FGF13: variants seen among roughly 807,000 people sequenced by gnomAD.
The protein encoded by FGF13 is fibroblast growth factor homologous factor 2.
A neutral mutation model predicts 19.5 loss-of-function variants in FGF13; 2 were observed. That is an observed-to-expected ratio of 0.10 (90% CI 0.04 to 0.32). The LOEUF (loss-of-function observed/expected upper bound fraction) is 0.32, where lower values mean the gene tolerates loss of function less well. FGF13 is among the 10% of genes least tolerant of loss of function. The pLI is 1.00. For missense variants in FGF13, 113 were observed against 192.7 expected (o/e 0.59, Z 2.45); for synonymous variants, 72 against 76.9 (o/e 0.94, Z 0.33).
At chrX:138,826,549 T>G (rs745969324) in intron 3 of FGF13, among the ~76,000 whole-genome samples, 1 of 112,281 alleles carries the variant, frequency 8.9e-6, no homozygotes, top group South Asian at 3.7e-4. Context: ...ACAATATATA[T>G]TCCAGTTATG....
At chrX:139,110,428 T>A (rs1250201203) in intron 1 of FGF13, among the ~76,000 whole-genome samples, 1 of 110,133 alleles carries the variant, frequency 9.1e-6, no homozygotes, top group African/African-American at 3.3e-5. Context: ...CCCCTCATAC[T>A]GCTCTTGTGG....
chrX:139,074,015 T>C (rs1443319453), intron 1 of FGF13, among the ~76,000 whole-genome samples: 1 of 112,614 alleles, frequency 8.9e-6, no homozygotes, highest in Non-Finnish European at 1.9e-5. Flanking sequence ...TTTTCTCAGA[T>C]AGCTGGCGCT....
chrX:138,978,293 C>T (rs1378673939), intron 1 of FGF13, among the ~76,000 whole-genome samples: 48 of 70,293 alleles, frequency 6.8e-4, no homozygotes, highest in Non-Finnish European at 1.1e-3. Context: ...GATGGAGTCT[C>T]GCTCTGTCGC....
chrX:138,717,863 T>C (rs1212587032), intron 1 of FGF13, among the ~76,000 whole-genome samples: 2 of 111,702 alleles, frequency 1.8e-5, no homozygotes, highest in African/African-American at 6.5e-5. Flanking sequence ...TCCTCCCGCC[T>C]TGGCCTCCCA....
At chrX:138,826,321 G>A (rs1024828726) in intron 3 of FGF13, among the ~76,000 whole-genome samples, 9 of 111,860 alleles carry the variant, frequency 8.0e-5, no homozygotes, top group Admixed American at 5.7e-4. Context: ...GACAACATAT[G>A]TCTACAATAT....
intron 1 of FGF13, among the ~76,000 whole-genome samples, chrX:139,157,193 C>T (rs1156569404): frequency 1.8e-5 from 2 of 111,162 alleles, no homozygotes; most frequent in Admixed American, 9.6e-5. Context: ...AAACTAAACT[C>T]GGAAGCTATA....
chrX:139,008,396 C>G, intron 1 of FGF13, among the ~76,000 whole-genome samples: 1 of 112,625 alleles, frequency 8.9e-6, no homozygotes, highest in Non-Finnish European at 1.9e-5. Context: ...AAACACAAAA[C>G]CAGCACACTA....
At chrX:138,647,097 T>A (rs1198637174) in intron 3 of FGF13, among the ~76,000 whole-genome samples, 1 of 109,720 alleles carries the variant, frequency 9.1e-6, no homozygotes, top group East Asian at 2.9e-4. Flanking sequence ...TGAAATCCGA[T>A]AGGCTGCCCA....
chrX:139,204,567 G>C (rs1256012244), upstream of FGF13, among the ~76,000 whole-genome samples: 1 of 112,929 alleles, frequency 8.9e-6, no homozygotes, highest in Non-Finnish European at 1.9e-5. Flanking sequence ...GCCTGGGTGG[G>C]CTGCCCGCGC....
chrX:139,203,714 TCATA>T (rs1273682847), upstream of FGF13, among the ~76,000 whole-genome samples: 4 of 111,659 alleles, frequency 3.6e-5, no homozygotes, highest in African/African-American at 1.3e-4. Flanking sequence ...ACACATGCAC[TCATA>T]CAGACAGGCG....
chrX:139,063,488 T>G (rs779645235), intron 1 of FGF13, among the ~76,000 whole-genome samples: 1 of 111,938 alleles, frequency 8.9e-6, no homozygotes, highest in African/African-American at 3.2e-5. Context: ...AAGGGACATC[T>G]AGTATTTCAA....
At chrX:139,071,577 G>A (rs1360475215) in intron 1 of FGF13, among the ~76,000 whole-genome samples, 3 of 111,686 alleles carry the variant, frequency 2.7e-5, no homozygotes, top group African/African-American at 9.8e-5. Context: ...TAAGATTTAT[G>A]TACTTTATCA....
chrX:139,028,151 T>A (rs1416010628), intron 1 of FGF13, among the ~76,000 whole-genome samples: 2 of 111,654 alleles, frequency 1.8e-5, no homozygotes, highest in Non-Finnish European at 3.8e-5. Context: ...CTGCAGTATA[T>A]ACAGAGCTCT....
At chrX:139,191,989 G>T (rs1428203982) in intron 1 of FGF13, among the ~76,000 whole-genome samples, 1 of 111,785 alleles carries the variant, frequency 8.9e-6, no homozygotes, top group Non-Finnish European at 1.9e-5. Flanking sequence ...TGCGAGAGCC[G>T]AGGCTTTGAA....
chrX:138,815,174 G>T (rs1311711844), intron 3 of FGF13, among the ~76,000 whole-genome samples: 1 of 110,496 alleles, frequency 9.1e-6, no homozygotes, highest in Non-Finnish European at 1.9e-5. Context: ...AATGCTGGTT[G>T]CCAGGGGCTG....
chrX:138,626,730 A>C lies in FGF13; in HGVS notation c.*6120T>G, dbSNP rs915278505. On this transcript the variant is annotated 3_prime_UTR_variant, in exon 5 of 5. Coordinates refer to ENST00000315930, the MANE Select transcript of FGF13 (RefSeq NM_004114.5). ...CTGCTACACACACACACAGACACAG[A>C]CACACACACACGCACACAGAAACAA... The C allele has an allele frequency of 1.8e-5, 2 of 111,469 alleles. No homozygotes were observed. The highest frequency in any genetic ancestry group is 6.5e-5 in the African/African-American group (2 of 30,657). 9.2% of individuals were successfully genotyped at this position (111,469 alleles called of 1,213,427 possible).
chrX:138,808,494 G>T (rs1602889839), intron 3 of FGF13, among the ~76,000 whole-genome samples: 2 of 111,907 alleles, frequency 1.8e-5, no homozygotes, highest in African/African-American at 6.5e-5. Context: ...AAGGAGGAAA[G>T]ATCTAAAATT....
chrX:138,940,810 A>G (rs1379398049), intron 1 of FGF13, among the ~76,000 whole-genome samples: 7 of 111,145 alleles, frequency 6.3e-5, no homozygotes. Flanking sequence ...TTGTACCAGT[A>G]TCATGTTGGT....
At chrX:138,892,851 GT>G (rs2091484593) in intron 1 of FGF13, among the ~76,000 whole-genome samples, 1 of 108,755 alleles carries the variant, frequency 9.2e-6, no homozygotes, top group Non-Finnish European at 1.9e-5. Context: ...CTACATGAAT[GT>G]TTGTCTCCTC....
Sources: allele counts gnomAD v4.1 joint callset (sites outside exome capture counted in the v4.1 genomes callset), GRCh38; gene constraint gnomAD v4.1.1; transcripts MANE v1.5; gene names NCBI Gene and HGNC (gene_info 2026-07-23, HGNC 2026-07-21).